KDM2A: variants seen among roughly 807,000 people sequenced by gnomAD.
The protein encoded by KDM2A is lysine-specific demethylase 2A.
KDM2A carries 3 observed loss-of-function variants against 137.3 expected under a neutral mutation model. The ratio of observed to expected loss-of-function variants is 0.02; its 90% CI spans 0.01 to 0.06. The LOEUF is 0.06. Among genes scored for constraint, KDM2A ranks in the 10% least tolerant of loss-of-function variants. KDM2A has a pLI of 1.00. For synonymous variants in KDM2A, 512 were observed against 541.5 expected (o/e 0.95, Z 0.76); for missense variants, 738 against 1,510.6 (o/e 0.49, Z 8.48).
In KDM2A at chr11:67,250,467, A is replaced by T; in HGVS notation, c.2437A>T (p.Thr813Ser). Residue 813 changes from threonine (T) to serine (S), a missense_variant, in exon 17 of 21, where the codon ACA (threonine) becomes TCA (serine). Physicochemically the swap from Thr to Ser is moderately conservative, Grantham distance 58. Around this residue, in one of 9 missense-constraint regions of KDM2A, gnomAD observed 244 missense variants for 324.6 expected, o/e 0.75. Coordinates refer to ENST00000529006, the MANE Select transcript of KDM2A (RefSeq NM_012308.3). This position sits in a 1 kb window ranked among gnomAD's most constrained non-coding sequence, Gnocchi z 7.1. ...LQRPTKELHG[T>S]SIVPKLQAIT... ...GAGGCCCACCAAAGAGCTCCACGGG[A>T]CATCCATTGTGCCCAAGCTGCAGGC... is the stretch of plus-strand genomic sequence containing the variant. The T allele has an allele frequency of 6.2e-7, 1 of 1,614,010 alleles. No homozygotes were observed. Among genetic ancestry groups the T allele is most frequent in the Non-Finnish European group, 8.5e-7 (1 of 1,179,892 alleles).
Position 67,250,352 on chromosome 11 carries a change from G to C in KDM2A, c.2322G>C (p.Arg774=). The change falls in exon 17 of 21, where the codon CGG becomes CGC. Residue 774 remains arginine (R), a synonymous_variant. Coordinates refer to ENST00000529006, the MANE Select transcript of KDM2A (RefSeq NM_012308.3). This position sits in a 1 kb window ranked among gnomAD's most constrained non-coding sequence, Gnocchi z 7.1. ...AGGCCACAGAGCGCACCATGGTACGGGAAAAGGAGAACAATCCCAGCGGCA... is the reference window on the plus strand; with the variant it reads ...AGGCCACAGAGCGCACCATGGTACGCGAAAAGGAGAACAATCCCAGCGGCA... ...RLQATERTMV[R]EKENNPSGKK... is the part of the protein sequence containing the mutation. 6.2e-7 allele frequency: 1 copy of C among 1,613,958 alleles called. No homozygotes were observed. Among genetic ancestry groups the C allele is most frequent in the Non-Finnish European group, 8.5e-7 (1 of 1,179,894 alleles).
intron 11 of KDM2A, 24 bp from the exon 12 acceptor site, chr11:67,231,542 T>C: frequency 1.9e-6 from 3 of 1,555,618 alleles, no homozygotes; most frequent in Non-Finnish European, 2.6e-6. Flanking sequence ...ATGTTCTTAC[T>C]GCATTTTTTC....
At chr11:67,144,690 A>C (rs1565376400) in intron 2 of KDM2A, among the ~76,000 whole-genome samples, 1 of 151,446 alleles carries the variant, frequency 6.6e-6, no homozygotes, top group Non-Finnish European at 1.5e-5. Context: ...CAGCCTCCTG[A>C]GTAACTGGGA....
chr11:67,136,158 T>TAA (rs2136288492), intron 2 of KDM2A, among the ~76,000 whole-genome samples: 1 of 152,330 alleles, frequency 6.6e-6, no homozygotes, highest in Non-Finnish European at 1.5e-5. Flanking sequence ...GTGTACTGTG[T>TAA]GCTTGGTACT....
chr11:67,141,584 G>A (rs1188345802), intron 2 of KDM2A, among the ~76,000 whole-genome samples: 3 of 147,840 alleles, frequency 2.0e-5, no homozygotes, highest in East Asian at 2.0e-4. Flanking sequence ...GGAGAATGGC[G>A]TGAACCCGGG....
chr11:67,134,722 C>G (rs1049949997), intron 2 of KDM2A, among the ~76,000 whole-genome samples: 7 of 152,036 alleles, frequency 4.6e-5, no homozygotes, highest in Non-Finnish European at 1.0e-4. Context: ...CTAGGCTGGT[C>G]TCGAACTTCT....
intron 5 of KDM2A, among the ~76,000 whole-genome samples, chr11:67,192,433 CTTTTTTTTTTTTT>C (rs921321640): frequency 7.1e-5 from 5 of 70,534 alleles, no homozygotes; most frequent in Admixed American, 1.7e-4. Context: ...GTTTCCATTT[CTTTTTTTTTTTTT>C]TTTTTTTTTT....
At chr11:67,159,966 A>T (rs1054918184) in intron 2 of KDM2A, among the ~76,000 whole-genome samples, 6 of 152,210 alleles carry the variant, frequency 3.9e-5, no homozygotes, top group African/African-American at 1.4e-4. Context: ...ATATGAACAT[A>T]TTTAATGCTG....
At chr11:67,207,874 A>G (rs1158257510) in intron 6 of KDM2A, among the ~76,000 whole-genome samples, 186 bp downstream of exon 6, 1 of 152,072 alleles carries the variant, frequency 6.6e-6, no homozygotes, top group Non-Finnish European at 1.5e-5. Flanking sequence ...AAAGTACAAA[A>G]AAAAAAATTA....
chr11:67,186,532 A>T (rs1233268691), intron 5 of KDM2A, among the ~76,000 whole-genome samples: 1 of 152,232 alleles, frequency 6.6e-6, no homozygotes, highest in East Asian at 1.9e-4. Context: ...GTGAAATGAA[A>T]GGACATTAGA....
At chr11:67,125,778 CAA>C (rs1209264085) in intron 2 of KDM2A, among the ~76,000 whole-genome samples, 16 of 100,238 alleles carry the variant, frequency 1.6e-4, no homozygotes, top group Admixed American at 2.2e-4. Context: ...GACTCCATCT[CAA>C]AAAAAAAAAA....
chr11:67,173,279 T>C (rs1178464377), intron 2 of KDM2A, among the ~76,000 whole-genome samples: 1 of 152,208 alleles, frequency 6.6e-6, no homozygotes, highest in African/African-American at 2.4e-5. Flanking sequence ...TGCGCCACCA[T>C]GCGTGGCTAA....
chr11:67,188,783 A>G lies in KDM2A; in HGVS notation c.307+6891A>G, dbSNP rs937781915. 5.0e-5 allele frequency among the ~76,000 whole-genome samples: 7 copies of G among 140,004 alleles called. 1 individual carries two copies. The South Asian group carries it at 1.6e-3, about 32-fold the overall frequency. The allele number at this position is 140,004 out of a possible 152,430, so 91.8% of individuals were successfully genotyped here. A position where few individuals can be genotyped will look rare whatever the true frequency, so the allele number is the denominator to read the frequency against. On this transcript the variant is annotated intron_variant, in intron 5 of 20. Coordinates refer to ENST00000529006, the MANE Select transcript of KDM2A (RefSeq NM_012308.3). ...TCCAGCCTGGGTGACAGAGCAAGAC[A>G]CTGTCTCAAAAAAAAAAAAAAAAAA...
At chr11:67,214,365 T>C (rs1017698292) in intron 6 of KDM2A, among the ~76,000 whole-genome samples, 8 of 152,040 alleles carry the variant, frequency 5.3e-5, no homozygotes, top group South Asian at 4.1e-4. Context: ...CCACCACGCC[T>C]GGCTAATTTT....
At position 67,236,754 on chromosome 11, in the gene KDM2A, T is replaced by G. The variant is rs187711250; in HGVS notation, c.1479+4794T>G. 3.9e-4 allele frequency among the ~76,000 whole-genome samples: 60 copies of G among 152,340 alleles called. 1 individual carries two copies. The East Asian group carries it at 0.01, about 26-fold the overall frequency. On this transcript the variant is annotated intron_variant, in intron 12 of 20. Coordinates refer to ENST00000529006, the MANE Select transcript of KDM2A (RefSeq NM_012308.3). ...GATTAGTAAAATACTTAATAAGCAG[T>G]GCATTATTACAGCCAGAAAAAAGTT... is the stretch of plus-strand genomic sequence containing the variant.
chr11:67,143,682 G>T (rs1438176346), intron 2 of KDM2A, among the ~76,000 whole-genome samples: 1 of 151,650 alleles, frequency 6.6e-6, no homozygotes, highest in Non-Finnish European at 1.5e-5. Context: ...TCCCAGGCTG[G>T]AGTGCAATGA....
At chr11:67,154,396 G>A (rs927272358) in intron 2 of KDM2A, among the ~76,000 whole-genome samples, 3 of 152,108 alleles carry the variant, frequency 2.0e-5, no homozygotes, top group Non-Finnish European at 4.4e-5. Context: ...CTGGCTTTCT[G>A]TCTCTATGGA....
intron 5 of KDM2A, among the ~76,000 whole-genome samples, chr11:67,204,003 G>C (rs1857728869): frequency 6.6e-6 from 1 of 151,932 alleles, no homozygotes; most frequent in South Asian, 2.1e-4. Flanking sequence ...GTTTCACCAT[G>C]TTGGCCAGGC....
At chr11:67,194,821 T>C (rs556114596) in intron 5 of KDM2A, among the ~76,000 whole-genome samples, 100 of 152,326 alleles carry the variant, frequency 6.6e-4, no homozygotes, top group African/African-American at 2.4e-3. Context: ...AGCAGGGTTT[T>C]AGGAGGATCC....
Sources: allele counts gnomAD v4.1 joint callset (sites outside exome capture counted in the v4.1 genomes callset), GRCh38; gene constraint gnomAD v4.1.1; regional missense constraint gnomAD v4.1.1; non-coding constraint Gnocchi (gnomAD v3.1); transcripts MANE v1.5; gene names NCBI Gene and HGNC (gene_info 2026-07-23, HGNC 2026-07-21).